SLC16A10: variants seen among roughly 807,000 people sequenced by gnomAD.
The protein encoded by SLC16A10 is solute carrier family 16 member 10.
SLC16A10 carries 27 observed loss-of-function variants against 40.0 expected under a neutral mutation model. The observed-to-expected ratio is 0.67, with a 90% CI of 0.50 to 0.93. The LOEUF (loss-of-function observed/expected upper bound fraction) is 0.93. SLC16A10 is among the 40% of genes least tolerant of loss of function. The pLI is 0.00. For missense variants in SLC16A10, 529 were observed against 658.2 expected (o/e 0.80, Z 2.15); for synonymous variants, 213 against 249.8 (o/e 0.85, Z 1.39).
In SLC16A10 at chr6:111,222,080, G is replaced by T; in HGVS notation, c.1393G>T (p.Val465Leu). Residue 465 changes from valine (V) to leucine (L), a missense_variant, in exon 6 of 6, where the codon GTG (valine) becomes TTG (leucine). Coordinates refer to ENST00000368851, the MANE Select transcript of SLC16A10 (RefSeq NM_018593.5). ...AGTCCCTCCCCTTATTGGAGGTGCT[G>T]TGCTTTGTTTTATCCCGTGGATCCA... is the stretch of plus-strand genomic sequence containing the variant. Reference protein sequence around the residue: ...AGVPPLIGGAVLCFIPWIHSK... With the variant: ...AGVPPLIGGALLCFIPWIHSK... The T allele has an allele frequency of 6.2e-7, 1 of 1,610,660 alleles. No homozygotes were observed. Among genetic ancestry groups the T allele is most frequent in the African/African-American group, 1.3e-5 (1 of 74,698 alleles).
chr6:111,142,181 G>A (rs761735091), intron 1 of SLC16A10, among the ~76,000 whole-genome samples: 8 of 152,146 alleles, frequency 5.3e-5, no homozygotes, highest in Non-Finnish European at 7.4e-5. Context: ...CAAACAGATC[G>A]ATGGAACAGA....
chr6:111,196,262 C>T (rs915745747), intron 3 of SLC16A10, among the ~76,000 whole-genome samples: 1 of 152,086 alleles, frequency 6.6e-6, no homozygotes, highest in East Asian at 1.9e-4. Context: ...TTCTTGAACC[C>T]GTGAAGCAGA....
chr6:111,093,540 A>G (rs1771021085), intron 1 of SLC16A10, among the ~76,000 whole-genome samples: 1 of 152,240 alleles, frequency 6.6e-6, no homozygotes, highest in Admixed American at 6.5e-5. Context: ...GTACTGTTGT[A>G]TGTGACACCT....
intron 1 of SLC16A10, among the ~76,000 whole-genome samples, chr6:111,145,946 C>T (rs1398832879): frequency 6.6e-6 from 1 of 152,124 alleles, no homozygotes; most frequent in East Asian, 1.9e-4. Flanking sequence ...CAAACAACAA[C>T]AAAATAGATT....
intron 4 of SLC16A10, 149 bp downstream of exon 4, chr6:111,206,884 A>C: frequency 1.0e-6 from 1 of 1,000,982 alleles, no homozygotes. Context: ...GCTGGAGTGC[A>C]ATGGCACGAT....
At chr6:111,142,189 A>G (rs1341234656) in intron 1 of SLC16A10, among the ~76,000 whole-genome samples, 2 of 152,238 alleles carry the variant, frequency 1.3e-5, no homozygotes. Context: ...TCGATGGAAC[A>G]GAATAGAGAG....
At chr6:111,131,221 C>G (rs569571391) in intron 1 of SLC16A10, among the ~76,000 whole-genome samples, 1 of 152,380 alleles carries the variant, frequency 6.6e-6, no homozygotes, top group South Asian at 2.1e-4. Flanking sequence ...CACTGCACCT[C>G]TGGTCCAGCG....
intron 4 of SLC16A10, among the ~76,000 whole-genome samples, chr6:111,208,319 C>T (rs1773288442): frequency 6.6e-6 from 1 of 152,076 alleles, no homozygotes; most frequent in African/African-American, 2.4e-5. Flanking sequence ...TGCGTGGTGG[C>T]TCATGCCTGT....
rs150753449 is a variant in SLC16A10 at position 111,110,854 on chromosome 6, C to T, written c.343+22759C>T. ...CATGTTTTCTATCTATTTTCACTTC[C>T]GTGCCATATAGCTTCTCTCATATAG... is the stretch of plus-strand genomic sequence containing the variant. On this transcript the variant is annotated intron_variant, in intron 1 of 5. Coordinates refer to ENST00000368851, the MANE Select transcript of SLC16A10 (RefSeq NM_018593.5). Among the ~76,000 whole-genome samples the T allele has an allele frequency of 1.5e-4, 23 of 152,184 alleles. No homozygotes were observed. The East Asian group carries it at 3.5e-3, about 23-fold the overall frequency.
intron 1 of SLC16A10, among the ~76,000 whole-genome samples, chr6:111,167,553 G>A (rs1440853890): frequency 1.3e-5 from 2 of 152,046 alleles, no homozygotes; most frequent in Non-Finnish European, 1.5e-5. Flanking sequence ...TCCTTGGGGG[G>A]AAAATATATA....
At chr6:111,117,146 C>G (rs536643042) in intron 1 of SLC16A10, among the ~76,000 whole-genome samples, 2 of 151,794 alleles carry the variant, frequency 1.3e-5, no homozygotes, top group African/African-American at 4.8e-5. Context: ...GTCAGGAGAT[C>G]GAGACCATCC....
At chr6:111,205,585 G>A (rs770490910) in intron 3 of SLC16A10, among the ~76,000 whole-genome samples, 1 of 152,020 alleles carries the variant, frequency 6.6e-6, no homozygotes. Context: ...TTTAATCCTC[G>A]CAACCAATTT....
At chr6:111,146,050 A>G (rs1772070961) in intron 1 of SLC16A10, among the ~76,000 whole-genome samples, 1 of 152,238 alleles carries the variant, frequency 6.6e-6, no homozygotes. Flanking sequence ...AATTTTTTGC[A>G]AATCATGTAT....
chr6:111,217,420 T>C (rs1773443436), intron 4 of SLC16A10, among the ~76,000 whole-genome samples: 1 of 151,568 alleles, frequency 6.6e-6, no homozygotes, highest in South Asian at 2.1e-4. Flanking sequence ...TTCTGCTGAC[T>C]AGTGAATTGT....
intron 1 of SLC16A10, among the ~76,000 whole-genome samples, chr6:111,128,103 T>G (rs1771708498): frequency 6.6e-6 from 1 of 152,230 alleles, no homozygotes; most frequent in African/African-American, 2.4e-5. Context: ...TTGAATTTTC[T>G]TCTTAAAACA....
At chr6:111,110,147 G>A (rs1265256680) in intron 1 of SLC16A10, among the ~76,000 whole-genome samples, 1 of 152,130 alleles carries the variant, frequency 6.6e-6, no homozygotes, top group Non-Finnish European at 1.5e-5. Flanking sequence ...CCATTGAAAT[G>A]AGTCAGTGGG....
At chr6:111,109,288 T>C (rs550605124) in intron 1 of SLC16A10, among the ~76,000 whole-genome samples, 80 of 152,316 alleles carry the variant, frequency 5.3e-4, no homozygotes, top group African/African-American at 1.8e-3. Flanking sequence ...TCACTATAGC[T>C]GTGCCTTTTC....
At chr6:111,168,972 C>T (rs897493290) in intron 1 of SLC16A10, among the ~76,000 whole-genome samples, 18 of 152,054 alleles carry the variant, frequency 1.2e-4, no homozygotes, top group Non-Finnish European at 2.4e-4. Flanking sequence ...TGTTCTCTCA[C>T]TTGGTATCGA....
At chr6:111,186,067 T>C (rs1772891762) in intron 3 of SLC16A10, among the ~76,000 whole-genome samples, 1 of 152,166 alleles carries the variant, frequency 6.6e-6, no homozygotes, top group Admixed American at 6.5e-5. Flanking sequence ...ACATGGCTAA[T>C]TTTTAATTTT....
Sources: gnomAD v4.1 joint callset for allele counts (sites outside exome capture counted in the v4.1 genomes callset) on GRCh38, gnomAD v4.1.1 for gene constraint, MANE v1.5 for transcripts, NCBI Gene and HGNC (gene_info 2026-07-23, HGNC 2026-07-21) for gene names.